The following GRIP1 variants were observed in gnomAD, a reference collection of about 807,000 sequenced individuals.
GRIP1 encodes the protein glutamate receptor-interacting protein 1.
A neutral mutation model predicts 129.9 loss-of-function variants in GRIP1; 45 were observed. That is an observed-to-expected ratio of 0.35 (90% CI 0.27 to 0.44). The LOEUF (loss-of-function observed/expected upper bound fraction) is 0.44, where lower values mean the gene tolerates loss of function less well. Ranked by LOEUF, GRIP1 falls within the 20% of genes least tolerant of loss-of-function variation. The pLI is 1.00. For missense variants in GRIP1, 1,196 were observed against 1,396.8 expected, an observed-to-expected ratio of 0.86 and a Z score of 2.29; for synonymous variants, 530 against 520.8, an observed-to-expected ratio of 1.02 and a Z score of -0.24.
At position 66,699,645 on chromosome 12, in the gene GRIP1, T is replaced by C. The variant is rs369304440; in HGVS notation, c.-419-69309A>G. 1.4e-4 allele frequency among the ~76,000 whole-genome samples: 21 copies of C among 152,312 alleles called. No individual in the cohort carries two copies. The South Asian group carries it at 4.3e-3, about 32-fold the overall frequency. Reference sequence around the variant, plus strand: ...CCTCTTTCAGTCTTGGGAATGTCTTTATTATCAGTGTGAGAAGAGACTAAT... The same window carrying C: ...CCTCTTTCAGTCTTGGGAATGTCTTCATTATCAGTGTGAGAAGAGACTAAT... On this transcript the variant is annotated intron_variant, in intron 1 of 4. Coordinates refer to the GRIP1 transcript ENST00000538373.
intron 5 of GRIP1, among the ~76,000 whole-genome samples, chr12:66,522,519 C>T (rs901043726): frequency 6.6e-6 from 1 of 152,096 alleles, no homozygotes; most frequent in Non-Finnish European, 1.5e-5. Flanking sequence ...GACATCCACA[C>T]CAAAAACACA....
chr12:66,570,146 T>C (rs1261911047), intron 2 of GRIP1, among the ~76,000 whole-genome samples: 1 of 152,062 alleles, frequency 6.6e-6, no homozygotes. Flanking sequence ...AGAGACAGGG[T>C]CTTACTCCGT....
At chr12:66,578,418 T>A (rs761491576) in intron 2 of GRIP1, among the ~76,000 whole-genome samples, 33 of 151,812 alleles carry the variant, frequency 2.2e-4, no homozygotes, top group Non-Finnish European at 1.3e-4. Flanking sequence ...GGTCAGTGGG[T>A]GCAGCGCACC....
rs771505845 is a variant in GRIP1 at position 66,425,475 on chromosome 12, A to C, written c.1769-4686T>G. 2.3e-3 allele frequency among the ~76,000 whole-genome samples: 343 copies of C among 152,208 alleles called. 1 individual carries two copies. The highest frequency in any genetic ancestry group is 3.6e-3 in the Non-Finnish European group (248 of 68,036). The stretch of plus-strand genomic sequence containing the variant: ...TGACCCAGCCATCCCATTACTGGGT[A>C]TATACCCAAAGGATTATAAATCATG... On this transcript the variant is annotated intron_variant, in intron 14 of 24. Transcript: ENST00000359742.
intron 1 of GRIP1, among the ~76,000 whole-genome samples, chr12:66,656,573 AT>A (rs1366032622): frequency 6.6e-6 from 1 of 152,144 alleles, no homozygotes; most frequent in Non-Finnish European, 1.5e-5. Flanking sequence ...GGTACGGCAT[AT>A]TTCACTGTAT....
chr12:66,803,775 T>G (rs2038923202), intron 1 of GRIP1, among the ~76,000 whole-genome samples: 1 of 152,208 alleles, frequency 6.6e-6, no homozygotes, highest in African/African-American at 2.4e-5. Context: ...TACGTTGGCT[T>G]GCAACTTTTT....
intron 1 of GRIP1, among the ~76,000 whole-genome samples, chr12:66,902,741 T>C (rs73126100): frequency 0.017 from 2,595 of 152,316 alleles, 39 homozygotes; most frequent in South Asian, 0.031. Flanking sequence ...ATTTAATATA[T>C]TTGGATATAG....
At position 66,539,142 on chromosome 12, in the gene GRIP1, G is replaced by A. The variant is rs771679748; in HGVS notation, c.354C>T (p.Ile118=). 6.8e-6 allele frequency: 11 copies of A among 1,613,970 alleles called. No homozygotes were observed. In the East Asian group the frequency reaches 2.5e-4, roughly 36 times the overall value. ...NLAKFRHDEI[I]SLLKNVGERV... ...TTTCTCCCACATTCTTCAGCAAGCT[G>A]ATGATCTCGTCATGGCGGAATTTGG... The change falls in exon 4 of 25, where the codon ATC becomes ATT. Residue 118 remains isoleucine, a synonymous_variant. Coordinates refer to ENST00000359742, the MANE Select transcript of GRIP1 (RefSeq NM_001366722.1).
intron 1 of GRIP1, among the ~76,000 whole-genome samples, chr12:66,753,171 C>A (rs867953825): frequency 3.3e-5 from 5 of 152,252 alleles, no homozygotes; most frequent in African/African-American, 7.2e-5. Flanking sequence ...GACCCCATTT[C>A]TCAATGTAAA....
intron 1 of GRIP1, among the ~76,000 whole-genome samples, chr12:66,947,670 G>T (rs765643496): frequency 6.6e-6 from 1 of 152,186 alleles, no homozygotes; most frequent in African/African-American, 2.4e-5. Context: ...GGCTGCTTCC[G>T]CAATACCATC....
At chr12:66,710,791 A>C (rs1039212632) in intron 1 of GRIP1, among the ~76,000 whole-genome samples, 1 of 151,918 alleles carries the variant, frequency 6.6e-6, no homozygotes, top group Non-Finnish European at 1.5e-5. Context: ...ATACAACCAC[A>C]TATTGCTATT....
At chr12:66,861,385 T>C (rs1029369654) in intron 1 of GRIP1, among the ~76,000 whole-genome samples, 2 of 152,118 alleles carry the variant, frequency 1.3e-5, no homozygotes, top group Non-Finnish European at 2.9e-5. Context: ...AAATGCAAGA[T>C]GCTCTCCAGG....
rs78928497 is a variant in GRIP1 at position 66,999,923 on chromosome 12, C to T, written c.58+69127G>A. ...CTTCCTGCACTCATAATTTTTCTCA[C>T]GCTGTTCTCCTTTCAAAGCCCCCAA... On this transcript the variant is annotated intron_variant, in intron 1 of 1. Transcript: ENST00000643019. 1.2e-3 allele frequency among the ~76,000 whole-genome samples: 180 copies of T among 152,204 alleles called. 3 individuals are homozygous for T. The East Asian group carries it at 0.026, about 22-fold the overall frequency.
intron 1 of GRIP1, among the ~76,000 whole-genome samples, chr12:66,883,921 A>G (rs1049044954): frequency 6.6e-6 from 1 of 152,250 alleles, no homozygotes; most frequent in Non-Finnish European, 1.5e-5. Flanking sequence ...GAGATAATGC[A>G]TGCAAAGTCA....
At chr12:66,773,826 C>T (rs1238122616) in intron 1 of GRIP1, among the ~76,000 whole-genome samples, 4 of 152,080 alleles carry the variant, frequency 2.6e-5, no homozygotes, top group African/African-American at 9.7e-5. Flanking sequence ...AACTTTTTGG[C>T]ATGTCTTTTC....
chr12:67,016,512 AAAG>A (rs370470519), intron 1 of GRIP1, among the ~76,000 whole-genome samples: 35 of 152,326 alleles, frequency 2.3e-4, no homozygotes, highest in African/African-American at 7.5e-4. Context: ...AAACAGACTC[AAAG>A]AAGCTCAGTG....
chr12:66,623,314 T>G (rs2065355900), intron 1 of GRIP1, among the ~76,000 whole-genome samples: 2 of 152,296 alleles, frequency 1.3e-5, no homozygotes, highest in South Asian at 4.1e-4. Flanking sequence ...CATTTAAACT[T>G]CACAATAACT....
At chr12:66,420,342 T>C (rs931679545) in intron 15 of GRIP1, among the ~76,000 whole-genome samples, 2 of 151,836 alleles carry the variant, frequency 1.3e-5, no homozygotes, top group Non-Finnish European at 2.9e-5. Context: ...GGGGATATTC[T>C]GGTAACAGCA....
At chr12:66,634,235 T>C (rs12312349) in intron 1 of GRIP1, among the ~76,000 whole-genome samples, 11 of 152,212 alleles carry the variant, frequency 7.2e-5, no homozygotes, top group Non-Finnish European at 1.2e-4. Flanking sequence ...TAGCAGTATG[T>C]GTTACATTTT....
Sources: allele counts gnomAD v4.1 joint callset (sites outside exome capture counted in the v4.1 genomes callset), GRCh38; gene constraint gnomAD v4.1.1; transcripts MANE v1.5; gene names NCBI Gene and HGNC (gene_info 2026-07-23, HGNC 2026-07-21).